LAMA2: variants seen among roughly 807,000 people sequenced by gnomAD.
LAMA2 encodes the protein laminin subunit alpha-2.
A neutral mutation model predicts 364.8 loss-of-function variants in LAMA2; 269 were observed. The observed-to-expected ratio is 0.74, with a 90% CI of 0.67 to 0.82. The LOEUF is 0.82. Ranked by LOEUF, LAMA2 falls within the 40% of genes least tolerant of loss-of-function variation. The pLI is 0.00. For synonymous variants in LAMA2, 1,379 were observed against 1,370.6 expected, an observed-to-expected ratio of 1.01 and a Z score of -0.14; for missense variants, 3,807 against 3,873.2, an observed-to-expected ratio of 0.98 and a Z score of 0.45.
chr6:128,991,792 A>G (rs79483681), intron 1 of LAMA2, among the ~76,000 whole-genome samples: 3,170 of 152,294 alleles, frequency 0.021, 114 homozygotes, highest in African/African-American at 0.072. Flanking sequence ...AAAACTTTCT[A>G]TGTGCCCCTG....
intron 41 of LAMA2, among the ~76,000 whole-genome samples, chr6:129,437,680 TTCATA>T (rs1781900851): frequency 6.6e-6 from 1 of 152,052 alleles, no homozygotes; most frequent in Non-Finnish European, 1.5e-5. Context: ...TATAGGATTT[TTCATA>T]TTTTGTTTTT....
At chr6:129,173,196 C>A (rs1780332813) in intron 9 of LAMA2, among the ~76,000 whole-genome samples, 1 of 152,188 alleles carries the variant, frequency 6.6e-6, no homozygotes, top group South Asian at 2.1e-4. Flanking sequence ...TGGCTCCTCT[C>A]CCCGATTCAG....
In LAMA2 at chr6:129,059,794, G is replaced by T. The variant is rs145752259; in HGVS notation, c.294G>T (p.Pro98=). 1 of 1,597,264 alleles carries T rather than the reference G, an allele frequency of 6.3e-7. No homozygotes were observed. The highest frequency in any genetic ancestry group is 8.6e-7 in the Non-Finnish European group (1 of 1,164,914). ...QNSSNPNQRH[P]ITNAIDGKNT... ...CTGCTAACTCAATAGAGAGACACCC[G>T]ATTACAAATGCTATTGATGGAAAGA... The change falls in exon 3 of 65, where the codon CCG becomes CCT. Residue 98 remains proline, a synonymous_variant. Transcript: ENST00000421865.
At chr6:128,907,735 A>C (rs1039255538) in intron 1 of LAMA2, among the ~76,000 whole-genome samples, 1 of 152,168 alleles carries the variant, frequency 6.6e-6, no homozygotes, top group African/African-American at 2.4e-5. Flanking sequence ...GAATGCTTCC[A>C]GTTTTTGCCA....
intron 48 of LAMA2, among the ~76,000 whole-genome samples, chr6:129,458,346 T>C (rs1196907643): frequency 1.3e-5 from 2 of 151,958 alleles, no homozygotes; most frequent in Non-Finnish European, 2.9e-5. Flanking sequence ...AAAACAGTAT[T>C]CTATCAGTCT....
At position 128,988,151 on chromosome 6, in the gene LAMA2, C is replaced by T. The variant is rs538309436; in HGVS notation, c.113-61767C>T. On this transcript the variant is annotated intron_variant, in intron 1 of 64. Transcript: ENST00000421865. ...AAAGTGCTGGGATTATAGGCATGAACCACTGTGCCCGGCCTAGCATGTAGT... is the reference window on the plus strand; with the variant it reads ...AAAGTGCTGGGATTATAGGCATGAATCACTGTGCCCGGCCTAGCATGTAGT... Among the ~76,000 whole-genome samples, 3 of 152,292 alleles carry T rather than the reference C, an allele frequency of 2.0e-5. No individual in the cohort carries two copies. In the East Asian group the frequency reaches 5.8e-4, roughly 29 times the overall value.
intron 9 of LAMA2, among the ~76,000 whole-genome samples, chr6:129,171,104 C>G (rs1485888143): frequency 2.0e-5 from 3 of 152,144 alleles, no homozygotes; most frequent in African/African-American, 7.2e-5. Context: ...ATACGGAACA[C>G]TGATGGGTCT....
At chr6:129,374,969 A>C (rs1475422313) in intron 34 of LAMA2, among the ~76,000 whole-genome samples, 1 of 150,850 alleles carries the variant, frequency 6.6e-6, no homozygotes, top group Non-Finnish European at 1.5e-5. Flanking sequence ...TTAAGAGCAC[A>C]TGTCAAGGTT....
intron 12 of LAMA2, among the ~76,000 whole-genome samples, chr6:129,234,410 G>A (rs996169695): frequency 6.6e-6 from 1 of 152,048 alleles, no homozygotes; most frequent in African/African-American, 2.4e-5. Context: ...CCATTTTGCT[G>A]AATTTCTTGA....
At chr6:128,976,468 T>C (rs146601002) in intron 1 of LAMA2, among the ~76,000 whole-genome samples, 1 of 152,242 alleles carries the variant, frequency 6.6e-6, no homozygotes, top group East Asian at 1.9e-4. Flanking sequence ...ACATCCAGGA[T>C]AAGCTTGTAG....
chr6:129,469,423 A>G (rs1355148077), intron 51 of LAMA2, among the ~76,000 whole-genome samples: 2 of 151,920 alleles, frequency 1.3e-5, no homozygotes, highest in East Asian at 3.9e-4. Flanking sequence ...TATTAGAATG[A>G]CTAAAATTAA....
At chr6:129,313,566 T>C (rs1221062950) in intron 23 of LAMA2, among the ~76,000 whole-genome samples, 1 of 152,214 alleles carries the variant, frequency 6.6e-6, no homozygotes, top group Non-Finnish European at 1.5e-5. Context: ...TTTCAACACA[T>C]ATAAACGCTG....
intron 1 of LAMA2, among the ~76,000 whole-genome samples, chr6:128,979,684 C>T (rs1172674778): frequency 1.3e-5 from 2 of 152,186 alleles, no homozygotes; most frequent in African/African-American, 4.8e-5. Context: ...TACACAGCAC[C>T]TGCAGTCAAC....
At chr6:129,361,504 T>C (rs957414376) in intron 32 of LAMA2, among the ~76,000 whole-genome samples, 2 of 152,218 alleles carry the variant, frequency 1.3e-5, no homozygotes, top group African/African-American at 4.8e-5. Flanking sequence ...TCTTCCACTG[T>C]CACGCCTAGG....
intron 40 of LAMA2, among the ~76,000 whole-genome samples, chr6:129,417,786 C>A (rs1319400783): frequency 6.6e-6 from 1 of 152,172 alleles, no homozygotes. Flanking sequence ...TAGTAGGGGG[C>A]TAGAGTGTCA....
At chr6:129,485,709 G>A (rs1042540379) in intron 55 of LAMA2, among the ~76,000 whole-genome samples, 3 of 152,262 alleles carry the variant, frequency 2.0e-5, no homozygotes, top group South Asian at 2.1e-4. Context: ...TGGTGGACAC[G>A]TAACTACATA....
At chr6:129,406,580 A>G (rs1431588683) in intron 40 of LAMA2, among the ~76,000 whole-genome samples, 1 of 152,190 alleles carries the variant, frequency 6.6e-6, no homozygotes, top group Non-Finnish European at 1.5e-5. Context: ...GAATATGGAC[A>G]TCAGTAATTT....
chr6:129,070,079 A>G (rs1463748054), intron 3 of LAMA2, among the ~76,000 whole-genome samples: 1 of 152,048 alleles, frequency 6.6e-6, no homozygotes, highest in Non-Finnish European at 1.5e-5. Context: ...CCCAGATTCC[A>G]TTTCTTTACC....
At chr6:128,890,863 T>C (rs377447678) in intron 1 of LAMA2, among the ~76,000 whole-genome samples, 83 of 152,178 alleles carry the variant, frequency 5.5e-4, no homozygotes, top group African/African-American at 1.9e-3. Flanking sequence ...CAGATATACC[T>C]AAGAATCAGA....
Sources: allele counts gnomAD v4.1 joint callset (sites outside exome capture counted in the v4.1 genomes callset), GRCh38; gene constraint gnomAD v4.1.1; transcripts MANE v1.5; gene names NCBI Gene and HGNC (gene_info 2026-07-23, HGNC 2026-07-21).